The following MFSD1 variants were observed in gnomAD, a reference collection of about 807,000 sequenced individuals.
The protein encoded by MFSD1 is lysosomal dipeptide transporter MFSD1.
In MFSD1, 59 loss-of-function variants were observed where a neutral mutation model predicts 67.1. The observed-to-expected ratio is 0.88, with a 90% CI of 0.71 to 1.09. The LOEUF is 1.09. Among genes scored for constraint, MFSD1 ranks in the 50% least tolerant of loss-of-function variants. MFSD1 has a pLI of 0.00. For missense variants in MFSD1, 552 were observed against 566.1 expected, an observed-to-expected ratio of 0.97 and a Z score of 0.25; for synonymous variants, 213 against 200.3, an observed-to-expected ratio of 1.06 and a Z score of -0.54.
At chr3:158,812,319 T>C (rs1730064988) in intron 6 of MFSD1, among the ~76,000 whole-genome samples, 1 of 152,138 alleles carries the variant, frequency 6.6e-6, no homozygotes, top group South Asian at 2.1e-4. Flanking sequence ...AGCCCTATAA[T>C]GGAATAGCTC....
At chr3:158,827,937 AGAGAGGGG>A (rs1251360673) in intron 15 of MFSD1, among the ~76,000 whole-genome samples, 1,243 of 33,108 alleles carry the variant, frequency 0.038, 41 homozygotes, top group African/African-American at 0.059. Context: ...AGAGAGAGAG[AGAGAGGGG>A]GAGAGAGAGA....
At chr3:158,815,589 T>C (rs1730282662) in intron 7 of MFSD1, among the ~76,000 whole-genome samples, 1 of 151,938 alleles carries the variant, frequency 6.6e-6, no homozygotes, top group African/African-American at 2.4e-5. Context: ...ATACAGATAT[T>C]ATTTATATCA....
chr3:158,806,547 A>AGGATGTTAGATTTGTATAACATGGTT (rs1729737614), intron 3 of MFSD1, among the ~76,000 whole-genome samples: 1 of 152,232 alleles, frequency 6.6e-6, no homozygotes, highest in African/African-American at 2.4e-5. Context: ...TCCAGATTGT[A>AGGATGTTAGATTTGTATAACATGGTT]GGATGTTAGA....
At chr3:158,827,230 C>G in intron 14 of MFSD1, 50 bp from the exon 15 acceptor site, 1 of 1,181,846 alleles carries the variant, frequency 8.5e-7, no homozygotes, top group Non-Finnish European at 1.2e-6. Flanking sequence ...TTGAAATTTA[C>G]TTACTGATAA....
rs759401657 is a variant in MFSD1 at position 158,824,247 on chromosome 3, C to T, written c.1288+11C>T. 3.0e-5 allele frequency: 47 copies of T among 1,542,312 alleles called. No individual in the cohort carries two copies. Among genetic ancestry groups the T allele is most frequent in the African/African-American group, 5.5e-5 (4 of 72,250 alleles). On this transcript the variant is annotated intron_variant, in intron 13 of 15. Transcript: ENST00000415822. ...TTGCCTGTGTTTCTTGTGAGTATTC[C>T]GTATGACAACATTTTGTTTCTTTTA...
intron 15 of MFSD1, 73 bp downstream of exon 15, chr3:158,827,410 G>A: frequency 1.2e-6 from 1 of 856,190 alleles, no homozygotes; most frequent in South Asian, 2.1e-5. Flanking sequence ...TTCAAGGTTT[G>A]GGCTTTGAAG....
chr3:158,805,135 C>T (rs544605017), intron 2 of MFSD1, among the ~76,000 whole-genome samples: 52 of 152,162 alleles, frequency 3.4e-4, no homozygotes, highest in Admixed American at 5.9e-4. Context: ...CATGTGAACT[C>T]AAGAAGTTCC....
At position 158,819,747 on chromosome 3, in the gene MFSD1, G is replaced by A. The variant is rs764939083; in HGVS notation, c.751G>A (p.Gly251Ser). The change falls in exon 8 of 16, where the codon GGT becomes AGT. Residue 251 changes from glycine to serine, a missense_variant and splice_region_variant. Gly to Ser is a moderately conservative substitution (Grantham distance 56). Coordinates refer to ENST00000415822, the MANE Select transcript of MFSD1 (RefSeq NM_022736.4). ...RILHKEQGKT[G>S]EVIKLTDVKD... ...CCTTCATAAAGAACAAGGAAAAACAGGTAAGTCTAAATGAAAGAATGGGAC... is the reference window on the plus strand; with the variant it reads ...CCTTCATAAAGAACAAGGAAAAACAAGTAAGTCTAAATGAAAGAATGGGAC... 3.8e-6 allele frequency: 6 copies of A among 1,575,292 alleles called. No individual in the cohort carries two copies. The highest frequency in any genetic ancestry group is 5.2e-6 in the Non-Finnish European group (6 of 1,148,560).
intron 11 of MFSD1, chr3:158,822,824 T>C (rs1197904354): frequency 1.3e-5 from 2 of 155,184 alleles, no homozygotes; most frequent in Non-Finnish European, 2.9e-5. Context: ...TTTAGTAATA[T>C]ACAATGTGAC....
chr3:158,824,752 G>A (rs1037556734), intron 13 of MFSD1, among the ~76,000 whole-genome samples: 2 of 152,136 alleles, frequency 1.3e-5, no homozygotes, highest in Admixed American at 1.3e-4. Context: ...TATCTGAAAA[G>A]AAAATTCTCC....
chr3:158,814,329 A>G (rs1161902446), intron 7 of MFSD1, among the ~76,000 whole-genome samples: 2 of 151,782 alleles, frequency 1.3e-5, no homozygotes, highest in African/African-American at 4.8e-5. Flanking sequence ...TTTTATTTTT[A>G]TTTGTTTTTG....
intron 5 of MFSD1, among the ~76,000 whole-genome samples, chr3:158,808,138 T>G (rs1729819141): frequency 1.3e-5 from 2 of 152,210 alleles, no homozygotes. Flanking sequence ...TATGTAAAGT[T>G]ATGACAGGGA....
At chr3:158,804,169 A>C in intron 1 of MFSD1, 150 bp from the exon 2 acceptor site, 1 of 563,404 alleles carries the variant, frequency 1.8e-6, no homozygotes. Context: ...TAACTTAGAA[A>C]ATACTGGTGG....
chr3:158,813,105 CT>C (rs140028803), intron 6 of MFSD1, among the ~76,000 whole-genome samples: 5,475 of 138,668 alleles, frequency 0.039, 116 homozygotes, highest in African/African-American at 0.053. Context: ...AGATATTTTA[CT>C]TTTTTTTTTT....
chr3:158,828,745 A>G (rs1481565431), intron 15 of MFSD1, among the ~76,000 whole-genome samples: 1 of 150,510 alleles, frequency 6.6e-6, no homozygotes, highest in Non-Finnish European at 1.5e-5. Context: ...ATAACCTCAT[A>G]TTAATTGAAA....
At chr3:158,802,424 T>C (rs1729504241) in intron 1 of MFSD1, 109 bp downstream of exon 1, 1 of 1,249,336 alleles carries the variant, frequency 8.0e-7, no homozygotes, top group African/African-American at 1.5e-5. Context: ...GCGCAGCTTC[T>C]GTCTTAAGCT....
At chr3:158,825,101 T>G (rs1468191927) in intron 13 of MFSD1, 1 of 152,238 alleles carries the variant, frequency 6.6e-6, no homozygotes, top group Non-Finnish European at 1.5e-5. Context: ...TCAACATGTA[T>G]TTGGGTCTCA....
chr3:158,823,330 T>G lies in MFSD1; in HGVS notation c.1078-98T>G, dbSNP rs1730772206. Reference sequence around the variant, plus strand: ...ACAACAAAATTTGCTTGAATATATATATATTAACTACTCTGTCACTTTTGC... The same window carrying G: ...ACAACAAAATTTGCTTGAATATATAGATATTAACTACTCTGTCACTTTTGC... On this transcript the variant is annotated intron_variant, in intron 11 of 15. Coordinates refer to ENST00000415822, the MANE Select transcript of MFSD1 (RefSeq NM_022736.4). 8.4e-6 allele frequency: 7 copies of G among 831,616 alleles called. No homozygotes were observed. In the Admixed American group the frequency reaches 1.1e-4, roughly 13 times the overall value. 51.5% of individuals were successfully genotyped at this position (831,616 alleles called of 1,614,324 possible).
chr3:158,819,638 T>C lies in MFSD1; in HGVS notation c.653-11T>C, dbSNP rs1387660816. 8 of 1,360,880 alleles carry C rather than the reference T, an allele frequency of 5.9e-6. 1 individual carries two copies. Among genetic ancestry groups the C allele is most frequent in the Non-Finnish European group, 7.0e-6 (7 of 1,003,606 alleles). The allele number at this position is 1,360,880 out of a possible 1,614,324, so 84.3% of individuals were successfully genotyped here. A position where few individuals can be genotyped will look rare whatever the true frequency, so the allele number is the denominator to read the frequency against. On this transcript the variant is annotated splice_polypyrimidine_tract_variant and intron_variant, in intron 7 of 15. Coordinates refer to ENST00000415822, the MANE Select transcript of MFSD1 (RefSeq NM_022736.4). ...AAAGTCTGTTTTTCTTTTTTTTTTT[T>C]TTTTATTTAGGGGGTATAACGTGTA...
Sources: gnomAD v4.1 joint callset for allele counts (sites outside exome capture counted in the v4.1 genomes callset) on GRCh38, gnomAD v4.1.1 for gene constraint, MANE v1.5 for transcripts, NCBI Gene and HGNC (gene_info 2026-07-23, HGNC 2026-07-21) for gene names.